HDLBP: variants seen among roughly 807,000 people sequenced by gnomAD.
HDLBP encodes high density lipoprotein binding protein.
In HDLBP, 30 loss-of-function variants were observed where a neutral mutation model predicts 137.3. That is an observed-to-expected ratio of 0.22 (90% confidence interval 0.16 to 0.30). The LOEUF is 0.30. HDLBP is among the 10% of genes least tolerant of loss of function. The pLI, the probability that HDLBP is intolerant of heterozygous loss-of-function variation, is 1.00. For missense variants in HDLBP, 1,119 were observed against 1,667.3 expected, an observed-to-expected ratio of 0.67 and a Z score of 5.73; for synonymous variants, 606 against 596.0, an observed-to-expected ratio of 1.02 and a Z score of -0.24.
Position 241,235,115 on chromosome 2 carries a change from G to C in HDLBP, c.3144+6C>G, listed in dbSNP as rs1281660192. 3 of 1,611,802 alleles carry C rather than the reference G, an allele frequency of 1.9e-6. No homozygotes were observed. Among genetic ancestry groups the C allele is most frequent in the South Asian group, 2.2e-5 (2 of 91,034 alleles). ...CTGGGCAGTGCCCCGGCCACCTCCT[G>C]CTCACCCGGTCCTCCTGCTCGGCCT... On this transcript the variant is annotated splice_donor_region_variant and intron_variant, in intron 23 of 27. Transcript: ENST00000310931.
intron 27 of HDLBP, 49 bp downstream of exon 27, chr2:241,229,784 G>GGCCCC: frequency 1.1e-5 from 17 of 1,502,494 alleles, no homozygotes; most frequent in Middle Eastern, 1.8e-4. Flanking sequence ...AAGCCCGCCT[G>GGCCCC]CCCGCCCACC....
intron 9 of HDLBP, 106 bp downstream of exon 9, chr2:241,254,945 A>G: frequency 2.3e-6 from 2 of 853,418 alleles, no homozygotes; most frequent in Non-Finnish European, 2.0e-6. Flanking sequence ...AAAATACACC[A>G]GTTTTCAAGG....
chr2:241,234,095 G>A (rs1243684935), intron 23 of HDLBP, 132 bp from the exon 24 acceptor site: 12 of 1,010,208 alleles, frequency 1.2e-5, no homozygotes, highest in East Asian at 2.5e-5. Context: ...GGAATGGTCC[G>A]CCATCTCTCT....
At chr2:241,264,425 A>G in intron 4 of HDLBP, 23 bp downstream of exon 4, 8 of 1,541,278 alleles carry the variant, frequency 5.2e-6, no homozygotes, top group Non-Finnish European at 6.2e-6. Flanking sequence ...TAAAATTTTT[A>G]AAAGAAAGAA....
At chr2:241,294,790 T>C (rs1424327332) in intron 1 of HDLBP, among the ~76,000 whole-genome samples, 2 of 152,142 alleles carry the variant, frequency 1.3e-5, no homozygotes, top group African/African-American at 4.8e-5. Flanking sequence ...TTAGAAAATA[T>C]ATACTTATGG....
chr2:241,300,384 G>T (rs139990892), intron 1 of HDLBP, among the ~76,000 whole-genome samples: 35 of 152,274 alleles, frequency 2.3e-4, no homozygotes, highest in Non-Finnish European at 4.6e-4. Context: ...ACTGCCCAGC[G>T]AGAATTAGGA....
chr2:241,253,768 G>A (rs984832474), intron 9 of HDLBP, among the ~76,000 whole-genome samples: 2 of 152,152 alleles, frequency 1.3e-5, no homozygotes, highest in Non-Finnish European at 2.9e-5. Context: ...TAAAGCATGC[G>A]ACATGCGACA....
At chr2:241,281,183 C>T (rs1158323862) in intron 1 of HDLBP, among the ~76,000 whole-genome samples, 1 of 152,078 alleles carries the variant, frequency 6.6e-6, no homozygotes, top group Non-Finnish European at 1.5e-5. Flanking sequence ...GGGAGAAACC[C>T]CATCTCTACT....
intron 11 of HDLBP, among the ~76,000 whole-genome samples, chr2:241,251,872 G>A (rs1033367707): frequency 2.0e-5 from 3 of 152,190 alleles, no homozygotes; most frequent in African/African-American, 7.2e-5. Flanking sequence ...AGCTACTTGG[G>A]AGGCTGAGGC....
At position 241,255,176 on chromosome 2, in the gene HDLBP, C is replaced by G. The variant is rs1161965932; in HGVS notation, c.1081-18G>C. 3.1e-6 allele frequency: 5 copies of G among 1,607,400 alleles called. No individual in the cohort carries two copies. Among genetic ancestry groups the G allele is most frequent in the Non-Finnish European group, 4.3e-6 (5 of 1,174,096 alleles). On this transcript the variant is annotated intron_variant, in intron 8 of 27. Coordinates refer to ENST00000310931, the MANE Select transcript of HDLBP (RefSeq NM_005336.6). ...CTATTGGCCTAAGAAAATGGGAGAACAGCCATGGGTTTGCAGAGCTCAAGG... is the reference window on the plus strand; with the variant it reads ...CTATTGGCCTAAGAAAATGGGAGAAGAGCCATGGGTTTGCAGAGCTCAAGG...
intron 12 of HDLBP, among the ~76,000 whole-genome samples, chr2:241,248,644 A>G (rs1286027474): frequency 6.6e-6 from 1 of 152,298 alleles, no homozygotes; most frequent in Non-Finnish European, 1.5e-5. Flanking sequence ...AAGTGCTATC[A>G]TGATAGCAGT....
intron 11 of HDLBP, among the ~76,000 whole-genome samples, 159 bp downstream of exon 11, chr2:241,252,798 G>A (rs532729219): frequency 2.6e-5 from 4 of 152,340 alleles, no homozygotes; most frequent in Non-Finnish European, 4.4e-5. Context: ...AGGAAAAGTG[G>A]CCTCTTCCAG....
At chr2:241,258,575 T>A (rs1380123880) in intron 5 of HDLBP, among the ~76,000 whole-genome samples, 1 of 151,836 alleles carries the variant, frequency 6.6e-6, no homozygotes, top group East Asian at 1.9e-4. Flanking sequence ...TGGAAAAAAG[T>A]GAAACTCAAT....
intron 1 of HDLBP, among the ~76,000 whole-genome samples, chr2:241,297,074 TGATC>T (rs1191976445): frequency 6.6e-6 from 1 of 152,008 alleles, no homozygotes; most frequent in Non-Finnish European, 1.5e-5. Flanking sequence ...TAAATGAAAA[TGATC>T]AAGCTGCAAA....
chr2:241,255,039 A>C lies in HDLBP; in HGVS notation c.1188+12T>G. On this transcript the variant is annotated intron_variant, in intron 9 of 27. Transcript: ENST00000310931. ...ACAAATTCAATACAACAGGTGAAAA[A>C]CGTGTCCTTACCTTTGGCATCTGCT... 6.4e-7 allele frequency: 1 copy of C among 1,568,118 alleles called. No individual in the cohort carries two copies. The highest frequency in any genetic ancestry group is 8.8e-7 in the Non-Finnish European group (1 of 1,138,120).
At chr2:241,314,257 A>G (rs779894252) in intron 1 of HDLBP, among the ~76,000 whole-genome samples, 2 of 152,228 alleles carry the variant, frequency 1.3e-5, no homozygotes, top group Admixed American at 6.5e-5. Flanking sequence ...AAAAAATCAA[A>G]ATATAAACCT....
intron 16 of HDLBP, among the ~76,000 whole-genome samples, chr2:241,246,315 G>A (rs1457603885): frequency 1.3e-5 from 2 of 152,146 alleles, no homozygotes; most frequent in Non-Finnish European, 2.9e-5. Context: ...GTGGGATGGA[G>A]GGAGACTGTA....
intron 11 of HDLBP, chr2:241,250,974 T>C (rs759545226): frequency 1.4e-4 from 21 of 152,062 alleles, no homozygotes; most frequent in Admixed American, 9.2e-4. Flanking sequence ...TACTTCCATA[T>C]ATATGTGTTT....
intron 1 of HDLBP, chr2:241,269,579 C>T (rs1446712768): frequency 2.0e-5 from 3 of 152,216 alleles, no homozygotes; most frequent in Non-Finnish European, 4.4e-5. Context: ...AAACCAGAGA[C>T]ACTATGGGGC....
Sources: gnomAD v4.1 joint callset for allele counts (sites outside exome capture counted in the v4.1 genomes callset) on GRCh38, gnomAD v4.1.1 for gene constraint, MANE v1.5 for transcripts, NCBI Gene and HGNC (gene_info 2026-07-23, HGNC 2026-07-21) for gene names.